The following LIN28B variants were observed in gnomAD, a reference collection of about 807,000 sequenced individuals.
LIN28B encodes the protein protein lin-28 homolog B.
A neutral mutation model predicts 21.9 loss-of-function variants in LIN28B; 5 were observed. The ratio of observed to expected loss-of-function variants is 0.23; its 90% CI spans 0.12 to 0.48. The LOEUF is 0.48. Ranked by LOEUF, LIN28B falls within the 20% of genes least tolerant of loss-of-function variation. LIN28B has a pLI of 0.98. For missense variants in LIN28B, 245 were observed against 310.5 expected (o/e 0.79, Z 1.58); for synonymous variants, 109 against 111.3 (o/e 0.98, Z 0.13).
At chr6:104,964,857 C>T (rs552082502) in intron 2 of LIN28B, among the ~76,000 whole-genome samples, 2 of 152,038 alleles carry the variant, frequency 1.3e-5, no homozygotes, top group East Asian at 3.8e-4. Flanking sequence ...AAATATTTGA[C>T]AATTTGGAAA....
chr6:104,991,919 A>G (rs1284903029), intron 2 of LIN28B, among the ~76,000 whole-genome samples: 3 of 150,776 alleles, frequency 2.0e-5, no homozygotes, highest in African/African-American at 7.3e-5. Context: ...CTGAGGCAGG[A>G]GAATCAGGCA....
intron 3 of LIN28B, among the ~76,000 whole-genome samples, chr6:105,077,924 T>G (rs751891951): frequency 2.0e-5 from 3 of 152,212 alleles, no homozygotes; most frequent in Admixed American, 1.3e-4. Context: ...TAATTAACAT[T>G]CAAAGAAGTG....
chr6:104,960,597 CAT>C (rs1324229968), intron 2 of LIN28B, among the ~76,000 whole-genome samples: 3 of 151,566 alleles, frequency 2.0e-5, no homozygotes, highest in Non-Finnish European at 4.4e-5. Flanking sequence ...TTTGGAAGTA[CAT>C]GTGTCACTGG....
chr6:104,987,396 A>G (rs964755568), intron 2 of LIN28B, among the ~76,000 whole-genome samples: 11 of 152,114 alleles, frequency 7.2e-5, no homozygotes, highest in Admixed American at 2.6e-4. Flanking sequence ...GTCTTGCTCA[A>G]TCACTCAGGC....
intron 3 of LIN28B, among the ~76,000 whole-genome samples, chr6:105,039,610 G>C (rs1771591642): frequency 6.6e-6 from 1 of 152,048 alleles, no homozygotes; most frequent in African/African-American, 2.4e-5. Flanking sequence ...AAATTCATGA[G>C]AGTACTTACT....
At chr6:105,064,627 T>G (rs979926194) in intron 3 of LIN28B, among the ~76,000 whole-genome samples, 22 of 152,184 alleles carry the variant, frequency 1.4e-4, no homozygotes, top group Non-Finnish European at 1.5e-5. Context: ...CACTGCCATT[T>G]GTAGCTATTG....
intron 3 of LIN28B, among the ~76,000 whole-genome samples, chr6:105,027,580 T>C (rs868573845): frequency 5.2e-4 from 79 of 152,102 alleles, no homozygotes; most frequent in African/African-American, 1.9e-3. Context: ...TTTTAGCTTA[T>C]AAAATATATT....
At chr6:105,053,698 G>GGT (rs1215183082) in intron 3 of LIN28B, among the ~76,000 whole-genome samples, 3 of 104,730 alleles carry the variant, frequency 2.9e-5, no homozygotes, top group Admixed American at 9.9e-5. Flanking sequence ...TTGTTTGTAT[G>GGT]GTGTGTGTGT....
At chr6:104,957,369 A>C in intron 1 of LIN28B, 109 bp downstream of exon 1, 8 of 534,354 alleles carry the variant, frequency 1.5e-5, no homozygotes, top group Non-Finnish European at 2.5e-5. Context: ...TTTTACCCCA[A>C]TACTGGGCAT....
At chr6:104,979,108 G>A (rs1355531295) in intron 2 of LIN28B, among the ~76,000 whole-genome samples, 1 of 152,018 alleles carries the variant, frequency 6.6e-6, no homozygotes, top group East Asian at 1.9e-4. Flanking sequence ...TTTGTTTTTA[G>A]GGTGTTATAT....
intron 3 of LIN28B, among the ~76,000 whole-genome samples, chr6:105,050,825 A>G (rs935456131): frequency 3.3e-5 from 5 of 151,454 alleles, no homozygotes; most frequent in Middle Eastern, 6.8e-3. Flanking sequence ...GATCACCAAA[A>G]TCTCTGAGAA....
chr6:105,030,929 T>C (rs1771410270), intron 3 of LIN28B, among the ~76,000 whole-genome samples: 2 of 152,104 alleles, frequency 1.3e-5, no homozygotes, highest in African/African-American at 4.8e-5. Flanking sequence ...CCCCTAATAC[T>C]TCCTGTGATT....
At chr6:105,014,010 G>A (rs9404592) in intron 2 of LIN28B, among the ~76,000 whole-genome samples, 21,791 of 152,066 alleles carry the variant, frequency 0.14, 2,022 homozygotes, top group East Asian at 0.27. Flanking sequence ...ACTTTTATCT[G>A]TCTTTACTTT....
chr6:104,970,513 A>G (rs547898621), intron 2 of LIN28B, among the ~76,000 whole-genome samples: 2 of 152,302 alleles, frequency 1.3e-5, no homozygotes, highest in Non-Finnish European at 2.9e-5. Context: ...GCTTTACCTT[A>G]CATTACATCC....
Position 104,966,374 on chromosome 6 carries a change from A to T in LIN28B, c.198+8088A>T, listed in dbSNP as rs78112206. 0.012 allele frequency among the ~76,000 whole-genome samples: 1,884 copies of T among 152,304 alleles called. 146 individuals carry two copies. In the East Asian group the frequency reaches 0.21, roughly 17 times the overall value. On this transcript the variant is annotated intron_variant, in intron 2 of 3. Coordinates refer to ENST00000345080, the MANE Select transcript of LIN28B (RefSeq NM_001004317.4). Reference sequence around the variant, plus strand: ...GAAATAATACACATGAAAATAATTTAAAAACTGTAACAATCTCAGGTTTTA... The same window carrying T: ...GAAATAATACACATGAAAATAATTTTAAAACTGTAACAATCTCAGGTTTTA...
At chr6:104,953,370 A>G (rs1193282988), upstream of LIN28B, among the ~76,000 whole-genome samples, 3 of 152,118 alleles carry the variant, frequency 2.0e-5, no homozygotes, top group Non-Finnish European at 4.4e-5. Flanking sequence ...GACCGCACTT[A>G]TCTTAGCTTT....
intron 2 of LIN28B, among the ~76,000 whole-genome samples, chr6:104,948,436 C>T (rs1365735180): frequency 3.9e-5 from 6 of 152,044 alleles, no homozygotes; most frequent in Non-Finnish European, 7.4e-5. Flanking sequence ...CATTGCACTC[C>T]GGCCTGGGCA....
At chr6:104,987,407 T>C (rs1056837701) in intron 2 of LIN28B, among the ~76,000 whole-genome samples, 1 of 152,186 alleles carries the variant, frequency 6.6e-6, no homozygotes, top group Non-Finnish European at 1.5e-5. Flanking sequence ...TCACTCAGGC[T>C]GGAATGCAGT....
intron 2 of LIN28B, among the ~76,000 whole-genome samples, chr6:104,967,382 C>G (rs1378421563): frequency 6.6e-6 from 1 of 151,302 alleles, no homozygotes; most frequent in Non-Finnish European, 1.5e-5. Context: ...GAATTTGAGA[C>G]CAGCCTGGCC....
Sources: gnomAD v4.1 joint callset for allele counts (sites outside exome capture counted in the v4.1 genomes callset) on GRCh38, gnomAD v4.1.1 for gene constraint, MANE v1.5 for transcripts, NCBI Gene and HGNC (gene_info 2026-07-23, HGNC 2026-07-21) for gene names.